Variants in CPNE7 observed in about 807,000 individuals in gnomAD.
The protein encoded by CPNE7 is copine-7.
A neutral mutation model predicts 66.5 loss-of-function variants in CPNE7; 78 were observed. That is an observed-to-expected ratio of 1.17 (90% CI 0.98 to 1.42). CPNE7 has a LOEUF of 1.42. CPNE7 is among the 40% of genes most tolerant of loss of function. The pLI, the probability that CPNE7 is intolerant of heterozygous loss-of-function variation, is 0.00. For missense variants in CPNE7, 1,012 were observed against 776.6 expected (o/e 1.30, Z -3.60); for synonymous variants, 468 against 336.7 (o/e 1.39, Z -4.27).
rs373543329 is a variant in CPNE7 at position 89,591,078 on chromosome 16, C to G, written c.1168+20C>G. 9.9e-6 allele frequency: 16 copies of G among 1,613,400 alleles called. No individual in the cohort carries two copies. In the African/African-American group the frequency reaches 1.9e-4, roughly 19 times the overall value. On this transcript the variant is annotated intron_variant, in intron 12 of 14. Coordinates refer to ENST00000319518, the MANE Select transcript of CPNE7 (RefSeq NM_153636.3). The stretch of plus-strand genomic sequence containing the variant: ...GTGAAGGTAGGAGCTCGAGGCAGGC[C>G]TGGGGAGGGGAGTGCAGGGGGGCCG...
At chr16:89,583,101 G>A (rs1190130341) in intron 2 of CPNE7, among the ~76,000 whole-genome samples, 2 of 152,244 alleles carry the variant, frequency 1.3e-5, no homozygotes, top group Non-Finnish European at 2.9e-5. Context: ...GGCCCCGGCT[G>A]CATGAGGAGG....
chr16:89,586,339 G>C (rs928386041), intron 7 of CPNE7, among the ~76,000 whole-genome samples: 2 of 152,042 alleles, frequency 1.3e-5, no homozygotes, highest in East Asian at 3.9e-4. Flanking sequence ...GGGCCAAGGG[G>C]TGCCCTCCCC....
At chr16:89,588,831 AC>A (rs1236131995) in intron 10 of CPNE7, 23 bp downstream of exon 10, 2 of 1,606,202 alleles carry the variant, frequency 1.2e-6, no homozygotes, top group Non-Finnish European at 1.7e-6. Flanking sequence ...CCTTCCCCTC[AC>A]CCCCTGGTCT....
chr16:89,585,630 G>T, intron 6 of CPNE7, 57 bp from the exon 7 acceptor site: 2 of 1,552,120 alleles, frequency 1.3e-6, no homozygotes, highest in Non-Finnish European at 1.8e-6. Context: ...CCTGGGCTCG[G>T]GTGGGAGGGT....
At position 89,586,662 on chromosome 16, in the gene CPNE7, T is replaced by C; in HGVS notation, c.781-8T>C. ...ACTCTGGGGGGCCTCTGCTTGTTCC[T>C]GCCCCAGGCCCAGTGGGACTGTGTG... On this transcript the variant is annotated splice_region_variant and splice_polypyrimidine_tract_variant and intron_variant, in intron 7 of 14. Transcript: ENST00000319518. 1 of 1,612,036 alleles carries C rather than the reference T, an allele frequency of 6.2e-7. No individual in the cohort carries two copies. The highest frequency in any genetic ancestry group is 8.5e-7 in the Non-Finnish European group (1 of 1,178,796).
At position 89,586,878 on chromosome 16, in the gene CPNE7, C is replaced by T. The variant is rs889661915; in HGVS notation, c.867+122C>T. The T allele has an allele frequency of 7.1e-6, 8 of 1,131,520 alleles. No homozygotes were observed. The African/African-American group carries it at 1.1e-4, about 15-fold the overall frequency. The allele number at this position is 1,131,520 out of a possible 1,614,324, so 70.1% of individuals were successfully genotyped here. On this transcript the variant is annotated intron_variant, in intron 8 of 14. Transcript: ENST00000319518. ...GGGCCCCAGCACGTCTGGGGAGGGG[C>T]TGAGAGACGGGGAAGGGCGAGGTTG...
chr16:89,595,352 T>G lies in CPNE7; in HGVS notation c.1303-15T>G, dbSNP rs1266849282. Reference sequence around the variant, plus strand: ...GGCAGGTGTGGTGTTGCTGATGCCTTTCCTGTGCCCCCAGCAATACTACAT... The same window carrying G: ...GGCAGGTGTGGTGTTGCTGATGCCTGTCCTGTGCCCCCAGCAATACTACAT... On this transcript the variant is annotated splice_polypyrimidine_tract_variant and intron_variant, in intron 13 of 14. Coordinates refer to ENST00000319518, the MANE Select transcript of CPNE7 (RefSeq NM_153636.3). 7.7e-6 allele frequency: 12 copies of G among 1,549,702 alleles called. 1 individual carries two copies. Among genetic ancestry groups the G allele is most frequent in the Non-Finnish European group, 7.9e-6 (9 of 1,141,756 alleles).
rs763804824 is a variant in CPNE7 at position 89,586,736 on chromosome 16, G to C, written c.847G>C (p.Val283Leu). The C allele has an allele frequency of 2.8e-5, 45 of 1,612,710 alleles. No individual in the cohort carries two copies. The highest frequency in any genetic ancestry group is 2.7e-4 in the Admixed American group (16 of 59,926). ...ACGCAGTTATAAGAACTCAGGAGTGGTCGTCCTGGCTGACCTCAAGGTGAG... is the reference window on the plus strand; with the variant it reads ...ACGCAGTTATAAGAACTCAGGAGTGCTCGTCCTGGCTGACCTCAAGGTGAG... ...KRRSYKNSGV[V>L]VLADLKFHRV... The change falls in exon 8 of 15, where the codon GTC becomes CTC. Residue 283 changes from valine (V) to leucine (L), a missense_variant. Physicochemically the swap from Val to Leu is conservative, Grantham distance 32. Coordinates refer to ENST00000319518, the MANE Select transcript of CPNE7 (RefSeq NM_153636.3).
chr16:89,596,787 C>G lies in CPNE7; in HGVS notation c.*166C>G. The G allele has an allele frequency of 1.1e-6, 1 of 932,276 alleles. No homozygotes were observed. The highest frequency in any genetic ancestry group is 1.5e-6 in the Non-Finnish European group (1 of 679,878). The allele number at this position is 932,276 out of a possible 1,614,324, so 57.8% of individuals were successfully genotyped here. The stretch of plus-strand genomic sequence containing the variant: ...GGATCCTGCTGGCTTGGGCCCGGCT[C>G]TGGGGCCCCCAAGGCCGAAGGGTGA... On this transcript the variant is annotated 3_prime_UTR_variant, in exon 15 of 15. Coordinates refer to ENST00000319518, the MANE Select transcript of CPNE7 (RefSeq NM_153636.3).
At chr16:89,588,529 G>A (rs2059120069) in intron 9 of CPNE7, 146 bp from the exon 10 acceptor site, 3 of 929,410 alleles carry the variant, frequency 3.2e-6, no homozygotes, top group East Asian at 5.2e-5. Context: ...AGGTGGGTCA[G>A]CCCCAACAGC....
intron 2 of CPNE7, 89 bp downstream of exon 2, chr16:89,577,810 C>T: frequency 7.1e-7 from 1 of 1,399,246 alleles, no homozygotes; most frequent in Admixed American, 2.3e-5. Context: ...CCGCAGGGAC[C>T]CTGCTGGGGT....
At chr16:89,592,001 C>CT (rs1164793165) in intron 13 of CPNE7, among the ~76,000 whole-genome samples, 76 of 125,252 alleles carry the variant, frequency 6.1e-4, no homozygotes, top group African/African-American at 2.2e-3. Flanking sequence ...GCCCGGCATT[C>CT]TTTTTTTTGT....
At chr16:89,577,192 C>T (rs192286761) in intron 1 of CPNE7, among the ~76,000 whole-genome samples, 37 of 152,304 alleles carry the variant, frequency 2.4e-4, no homozygotes, top group African/African-American at 7.9e-4. Context: ...TACCCTACGC[C>T]CCCTCCCCAC....
intron 2 of CPNE7, among the ~76,000 whole-genome samples, chr16:89,580,108 A>G (rs76532135): frequency 0.076 from 1,516 of 19,888 alleles, 502 homozygotes; most frequent in African/African-American, 0.17. Flanking sequence ...CCCATCACAC[A>G]GAACATCCCG....
In CPNE7 at chr16:89,591,020, T is replaced by G. The variant is rs778030349; in HGVS notation, c.1130T>G (p.Phe377Cys). The part of the protein sequence containing the change: ...IPPKYEVSHD[F>C]AINFNPEDDE... Reference sequence around the variant, plus strand: ...GTTCCCACCCAGGTGTCCCATGACTTTGCCATCAATTTCAACCCTGAGGAC... The same window carrying G: ...GTTCCCACCCAGGTGTCCCATGACTGTGCCATCAATTTCAACCCTGAGGAC... The change falls in exon 12 of 15, where the codon TTT becomes TGT. Residue 377 changes from phenylalanine (F) to cysteine (C), a missense_variant. Phe to Cys is a radical substitution (Grantham distance 205, BLOSUM62 -2). Transcript: ENST00000319518. The G allele has an allele frequency of 6.2e-7, 1 of 1,613,526 alleles. No homozygotes were observed. The highest frequency in any genetic ancestry group is 8.5e-7 in the Non-Finnish European group (1 of 1,179,816).
At position 89,596,861 on chromosome 16, in the gene CPNE7, G is replaced by A. The variant is rs2059264920; in HGVS notation, c.*240G>A. On this transcript the variant is annotated 3_prime_UTR_variant, in exon 15 of 15. Transcript: ENST00000319518. ...GCCCTGCCTGAGCCAGGTGGGTGGA[G>A]GGAGGGAGATCATGAGGGACTTGGA... is the stretch of plus-strand genomic sequence containing the variant. The A allele has an allele frequency of 2.3e-6, 1 of 443,308 alleles. No homozygotes were observed. The allele number at this position is 443,308 out of a possible 1,614,324, so 27.5% of individuals were successfully genotyped here. A position where few individuals can be genotyped will look rare whatever the true frequency, so the allele number is the denominator to read the frequency against.
rs200538988 is a variant in CPNE7, at chr16:89,577,510, G to A, written c.175-29G>A. 2.2e-4 allele frequency: 348 copies of A among 1,549,262 alleles called. 1 individual carries two copies. The highest frequency in any genetic ancestry group is 1.1e-3 in the Admixed American group (56 of 50,894). The stretch of plus-strand genomic sequence containing the variant: ...GGAGCCCGGGGTGGAAGCCTCTGGA[G>A]TGGGGTCGGCTCACAGGTGCACTTG... On this transcript the variant is annotated intron_variant, in intron 1 of 14. Coordinates refer to ENST00000319518, the MANE Select transcript of CPNE7 (RefSeq NM_153636.3).
intron 10 of CPNE7, 38 bp from the exon 11 acceptor site, chr16:89,589,859 G>T: frequency 4.3e-6 from 7 of 1,612,500 alleles, no homozygotes; most frequent in Non-Finnish European, 5.9e-6. Context: ...AGCCACAAGA[G>T]GTCAGGGCCT....
At chr16:89,588,378 G>A (rs1361634831) in intron 9 of CPNE7, among the ~76,000 whole-genome samples, 3 of 152,222 alleles carry the variant, frequency 2.0e-5, no homozygotes, top group Admixed American at 6.5e-5. Context: ...GGGGAGGGTG[G>A]TAGAGGGGTT....
Sources: gnomAD v4.1 joint callset for allele counts (sites outside exome capture counted in the v4.1 genomes callset) on GRCh38, gnomAD v4.1.1 for gene constraint, MANE v1.5 for transcripts, NCBI Gene and HGNC (gene_info 2026-07-23, HGNC 2026-07-21) for gene names.